Variants in RAB3C observed in about 807,000 individuals in gnomAD.
RAB3C encodes ras-related protein Rab-3C.
RAB3C carries 17 observed loss-of-function variants against 26.4 expected under a neutral mutation model. The observed-to-expected ratio is 0.64, with a 90% CI of 0.44 to 0.97. The LOEUF (loss-of-function observed/expected upper bound fraction) is 0.97. Ranked by LOEUF, RAB3C falls within the 50% of genes least tolerant of loss-of-function variation. The pLI is 0.00. For synonymous variants in RAB3C, 91 were observed against 95.9 expected, an observed-to-expected ratio of 0.95 and a Z score of 0.30; for missense variants, 242 against 281.9, an observed-to-expected ratio of 0.86 and a Z score of 1.01.
In RAB3C at chr5:58,852,904, TG is replaced by T. The variant is rs1744145074; in HGVS notation, c.*1555del. ...ATAGAGAGGCTTCCCATGAAAGTAT[TG>T]GATGCAAATGAAACAGGCATACATC... On this transcript the variant is annotated 3_prime_UTR_variant, in exon 5 of 5. Transcript: ENST00000282878. 6.6e-6 allele frequency: 1 copy of T among 152,204 alleles called. No homozygotes were observed. The highest frequency in any genetic ancestry group is 1.5e-5 in the Non-Finnish European group (1 of 68,036). 9.4% of individuals were successfully genotyped at this position (152,204 alleles called of 1,614,324 possible). A position where few individuals can be genotyped will look rare whatever the true frequency, so the allele number is the denominator to read the frequency against.
At chr5:58,611,339 TC>T (rs1275426852) in intron 1 of RAB3C, among the ~76,000 whole-genome samples, 1 of 152,036 alleles carries the variant, frequency 6.6e-6, no homozygotes, top group Non-Finnish European at 1.5e-5. Context: ...TAATTTACAC[TC>T]CTACCGACAG....
intron 3 of RAB3C, chr5:58,815,716 AC>A (rs1743201625): frequency 6.6e-6 from 1 of 152,260 alleles, no homozygotes; most frequent in East Asian, 1.9e-4. Flanking sequence ...CTCTAATTCT[AC>A]ATTACTGTTT....
At chr5:58,669,662 T>C (rs1748072546) in intron 2 of RAB3C, among the ~76,000 whole-genome samples, 1 of 152,192 alleles carries the variant, frequency 6.6e-6, no homozygotes, top group Non-Finnish European at 1.5e-5. Flanking sequence ...AAGTCACTTA[T>C]TGTCTCTGTG....
At chr5:58,757,766 C>T (rs562665811) in intron 3 of RAB3C, among the ~76,000 whole-genome samples, 1 of 152,156 alleles carries the variant, frequency 6.6e-6, no homozygotes, top group Non-Finnish European at 1.5e-5. Context: ...CAAGATTTCC[C>T]TCTAGATTTA....
At chr5:58,801,253 G>T (rs1170832034) in intron 3 of RAB3C, among the ~76,000 whole-genome samples, 2 of 152,290 alleles carry the variant, frequency 1.3e-5, no homozygotes, top group East Asian at 3.9e-4. Flanking sequence ...GGGTTCCAAG[G>T]ATTACCTCTA....
At chr5:58,829,424 C>A (rs1229943223) in intron 4 of RAB3C, among the ~76,000 whole-genome samples, 2 of 151,822 alleles carry the variant, frequency 1.3e-5, no homozygotes, top group Non-Finnish European at 2.9e-5. Flanking sequence ...GGAATAAGAA[C>A]AAAGAAAGAA....
intron 2 of RAB3C, among the ~76,000 whole-genome samples, chr5:58,672,274 TG>T (rs1484478687): frequency 6.6e-6 from 1 of 152,138 alleles, no homozygotes; most frequent in African/African-American, 2.4e-5. Context: ...GGTGATCCCC[TG>T]GGGTTAGACA....
At chr5:58,799,562 G>A (rs1742755468) in intron 3 of RAB3C, among the ~76,000 whole-genome samples, 2 of 152,108 alleles carry the variant, frequency 1.3e-5, no homozygotes, top group Non-Finnish European at 2.9e-5. Context: ...TCTTTAAAAT[G>A]TACGCCATTC....
intron 1 of RAB3C, among the ~76,000 whole-genome samples, chr5:58,612,520 GTATATATATATATATATATATATATA>G (rs200928384): frequency 1.0e-4 from 8 of 79,186 alleles, no homozygotes; most frequent in African/African-American, 2.5e-4. Context: ...GTGTGTGTGT[GTATATATATATATATATATATATATA>G]TGTATATATA....
chr5:58,800,480 G>A (rs1241338762), intron 3 of RAB3C, among the ~76,000 whole-genome samples: 1 of 152,110 alleles, frequency 6.6e-6, no homozygotes, highest in Admixed American at 6.5e-5. Context: ...ACTAGGAAAT[G>A]CTTATTTTCT....
At chr5:58,810,642 G>A (rs957005493) in intron 3 of RAB3C, among the ~76,000 whole-genome samples, 6 of 152,068 alleles carry the variant, frequency 3.9e-5, no homozygotes, top group Non-Finnish European at 8.8e-5. Context: ...TGTCACCCAG[G>A]CTGGAGTATA....
intron 3 of RAB3C, among the ~76,000 whole-genome samples, chr5:58,773,475 C>T (rs1398870669): frequency 1.3e-5 from 2 of 152,188 alleles, no homozygotes; most frequent in East Asian, 1.9e-4. Context: ...AAATGTCTAA[C>T]GGATAGCAAA....
At chr5:58,743,069 T>C (rs1328793758) in intron 3 of RAB3C, among the ~76,000 whole-genome samples, 1 of 152,154 alleles carries the variant, frequency 6.6e-6, no homozygotes, top group Non-Finnish European at 1.5e-5. Flanking sequence ...ATGCTTTGCC[T>C]CAAAGTTAGA....
intron 2 of RAB3C, among the ~76,000 whole-genome samples, chr5:58,676,166 GA>G (rs757398329): frequency 1.2e-3 from 177 of 152,248 alleles, no homozygotes; most frequent in Non-Finnish European, 1.9e-3. Flanking sequence ...AAGGACCAAG[GA>G]AATTCTGTAA....
intron 3 of RAB3C, among the ~76,000 whole-genome samples, chr5:58,736,832 A>T (rs1428173685): frequency 6.6e-6 from 1 of 152,166 alleles, no homozygotes; most frequent in African/African-American, 2.4e-5. Flanking sequence ...CACTGCTGCC[A>T]CCTGGTTATG....
intron 4 of RAB3C, among the ~76,000 whole-genome samples, chr5:58,841,780 A>G (rs1254218741): frequency 6.6e-6 from 1 of 152,178 alleles, no homozygotes; most frequent in African/African-American, 2.4e-5. Context: ...TGGATAGACA[A>G]GTCTGCAGAG....
intron 2 of RAB3C, among the ~76,000 whole-genome samples, chr5:58,710,644 A>G (rs940608011): frequency 6.6e-6 from 1 of 151,520 alleles, no homozygotes; most frequent in East Asian, 1.9e-4. Flanking sequence ...ATAAATAAAT[A>G]GAAATTTTAA....
intron 1 of RAB3C, among the ~76,000 whole-genome samples, chr5:58,597,119 A>G (rs1292047131): frequency 4.2e-4 from 13 of 30,728 alleles, no homozygotes; most frequent in Non-Finnish European, 7.6e-4. Context: ...TATATATAAT[A>G]CATAATATAT....
At chr5:58,709,532 A>G (rs1749015057) in intron 2 of RAB3C, among the ~76,000 whole-genome samples, 1 of 152,226 alleles carries the variant, frequency 6.6e-6, no homozygotes, top group African/African-American at 2.4e-5. Context: ...GATGTATAAA[A>G]TGAAAAAAGC....
Sources: gnomAD v4.1 joint callset for allele counts (sites outside exome capture counted in the v4.1 genomes callset) on GRCh38, gnomAD v4.1.1 for gene constraint, MANE v1.5 for transcripts, NCBI Gene and HGNC (gene_info 2026-07-23, HGNC 2026-07-21) for gene names.